The following ATP9B variants were observed in gnomAD, a reference collection of about 807,000 sequenced individuals.
The protein encoded by ATP9B is probable phospholipid-transporting ATPase IIB.
Under a neutral mutation model 146.1 loss-of-function variants are expected in ATP9B, and 110 were observed. That is an observed-to-expected ratio of 0.75 (90% CI 0.65 to 0.88). The LOEUF (loss-of-function observed/expected upper bound fraction) is 0.88, where lower values mean the gene tolerates loss of function less well. Among genes scored for constraint, ATP9B ranks in the 40% least tolerant of loss-of-function variants. The probability of loss-of-function intolerance (pLI) is 0.00; values close to 1 mark genes in which losing one functional copy is unlikely to be tolerated. For synonymous variants in ATP9B, 604 were observed against 569.7 expected, an observed-to-expected ratio of 1.06 and a Z score of -0.86; for missense variants, 1,499 against 1,496.4, an observed-to-expected ratio of 1.00 and a Z score of -0.03.
At chr18:79,283,899 A>G (rs1394007994) in intron 13 of ATP9B, among the ~76,000 whole-genome samples, 2 of 152,218 alleles carry the variant, frequency 1.3e-5, no homozygotes, top group East Asian at 3.8e-4. Flanking sequence ...CATAAATTTT[A>G]AAACTTAACT....
chr18:79,371,367 T>C (rs1285191154), intron 26 of ATP9B, among the ~76,000 whole-genome samples: 1 of 88,576 alleles, frequency 1.1e-5, no homozygotes, highest in Non-Finnish European at 2.0e-5. Context: ...CAAGACTCCG[T>C]CTTAAAAAAA....
At chr18:79,290,210 C>T (rs983868903) in intron 13 of ATP9B, among the ~76,000 whole-genome samples, 11 of 152,192 alleles carry the variant, frequency 7.2e-5, no homozygotes, top group East Asian at 1.9e-4. Flanking sequence ...CTGTGTCCTG[C>T]CCCCAGAGGT....
Position 79,264,338 on chromosome 18 carries a change from A to C in ATP9B, c.1268+10797A>C, listed in dbSNP as rs562228001. Among the ~76,000 whole-genome samples, 303 of 152,274 alleles carry C rather than the reference A, an allele frequency of 2.0e-3. 1 individual carries two copies. Among genetic ancestry groups the C allele is most frequent in the Non-Finnish European group, 3.8e-3 (260 of 67,998 alleles). ...TTATGCACATATATATTAGCTATTT[A>C]GATTTTCTCTTTTGTGAACTTTCTA... On this transcript the variant is annotated intron_variant, in intron 12 of 29. Coordinates refer to ENST00000426216, the MANE Select transcript of ATP9B (RefSeq NM_198531.5).
intron 15 of ATP9B, 132 bp downstream of exon 15, chr18:79,307,366 A>G (rs1181243732): frequency 1.2e-5 from 17 of 1,371,460 alleles, no homozygotes; most frequent in Non-Finnish European, 1.6e-5. Context: ...TTTTAGCTGT[A>G]TGTGGAAAAC....
intron 13 of ATP9B, among the ~76,000 whole-genome samples, chr18:79,288,542 C>A (rs1379828204): frequency 6.6e-6 from 1 of 151,928 alleles, no homozygotes; most frequent in Non-Finnish European, 1.5e-5. Flanking sequence ...GAATACAGCA[C>A]ACTGATGGGT....
intron 12 of ATP9B, among the ~76,000 whole-genome samples, chr18:79,263,974 G>T (rs1433199062): frequency 6.6e-6 from 1 of 152,040 alleles, no homozygotes. Context: ...AGTCCCAGCT[G>T]CTCGGGAGGC....
chr18:79,362,509 C>T (rs2096995974), intron 26 of ATP9B: 1 of 152,196 alleles, frequency 6.6e-6, no homozygotes. Context: ...TCAAATTCTG[C>T]TTTGAATTAT....
intron 8 of ATP9B, among the ~76,000 whole-genome samples, chr18:79,186,594 C>G (rs906604830): frequency 2.6e-5 from 4 of 152,166 alleles, no homozygotes; most frequent in Admixed American, 2.6e-4. Context: ...GATTCTCAGA[C>G]TTGCCTTATC....
intron 14 of ATP9B, among the ~76,000 whole-genome samples, chr18:79,305,463 G>A (rs910410996): frequency 6.6e-6 from 1 of 152,068 alleles, no homozygotes; most frequent in Non-Finnish European, 1.5e-5. Flanking sequence ...TATTTTGGAT[G>A]TAATTCATTT....
At chr18:79,192,239 T>G (rs917452257) in intron 8 of ATP9B, among the ~76,000 whole-genome samples, 1 of 152,230 alleles carries the variant, frequency 6.6e-6, no homozygotes, top group Middle Eastern at 3.4e-3. Flanking sequence ...GAGGTTTCTG[T>G]TTGAGTTTTA....
In ATP9B at chr18:79,375,513, C is replaced by T; in HGVS notation, c.3307+87C>T. The stretch of plus-strand genomic sequence containing the variant: ...ATACTTAACTAATAAGAAAAACAAA[C>T]CTTCCTCTAATTCAGTGTTCCTCAG... On this transcript the variant is annotated intron_variant, in intron 29 of 29. Coordinates refer to ENST00000426216, the MANE Select transcript of ATP9B (RefSeq NM_198531.5). 5 of 1,552,730 alleles carry T rather than the reference C, an allele frequency of 3.2e-6. No homozygotes were observed. In the Admixed American group the frequency reaches 9.3e-5, roughly 29 times the overall value.
At chr18:79,369,499 C>T (rs1004563019) in intron 26 of ATP9B, among the ~76,000 whole-genome samples, 3 of 142,852 alleles carry the variant, frequency 2.1e-5, no homozygotes, top group African/African-American at 5.3e-5. Flanking sequence ...CACCACTGCA[C>T]TCCAGCCTGG....
intron 11 of ATP9B, among the ~76,000 whole-genome samples, chr18:79,234,328 T>G (rs1015683989): frequency 6.6e-6 from 1 of 152,234 alleles, no homozygotes; most frequent in Admixed American, 6.5e-5. Context: ...GTGAAATTCC[T>G]CTCACCGTTG....
At chr18:79,193,356 C>T in intron 9 of ATP9B, 93 bp downstream of exon 9, 1 of 1,088,562 alleles carries the variant, frequency 9.2e-7, no homozygotes, top group Non-Finnish European at 1.4e-6. Context: ...AGAATAAATT[C>T]AAACAGAAGT....
Position 79,283,553 on chromosome 18 carries a change from T to C in ATP9B, c.1411+6357T>C, listed in dbSNP as rs2096401790. Among the ~76,000 whole-genome samples, 3 of 152,228 alleles carry C rather than the reference T, an allele frequency of 2.0e-5. No homozygotes were observed. The South Asian group carries it at 6.2e-4, about 32-fold the overall frequency. On this transcript the variant is annotated intron_variant, in intron 13 of 29. Transcript: ENST00000426216. ...AATAATTGCATTATAGTTTCCTTCT[T>C]GTGGACAAGAAAGCAATGTGGTATA...
chr18:79,288,089 T>G (rs1399331177), intron 13 of ATP9B, among the ~76,000 whole-genome samples: 3 of 152,084 alleles, frequency 2.0e-5, no homozygotes, highest in Admixed American at 1.3e-4. Flanking sequence ...AATATGTATA[T>G]TCTGTTGATT....
chr18:79,373,984 A>T lies in ATP9B; in HGVS notation c.3157A>T (p.Thr1053Ser). 6.2e-7 allele frequency: 1 copy of T among 1,613,972 alleles called. No individual in the cohort carries two copies. The highest frequency in any genetic ancestry group is 8.5e-7 in the Non-Finnish European group (1 of 1,180,012). Reference sequence around the variant, plus strand: ...CATCTCCTTCACCGCACTGATCCTGACCGAGCTGCTGATGGTGGCGCTGAC... The same window carrying T: ...CATCTCCTTCACCGCACTGATCCTGTCCGAGCTGCTGATGGTGGCGCTGAC... ...VAISFTALIL[T>S]ELLMVALTVR... Residue 1053 changes from threonine to serine, a missense_variant, in exon 28 of 30, where the codon ACC (threonine) becomes TCC (serine). Transcript: ENST00000426216.
At chr18:79,271,021 A>G (rs957328081) in intron 12 of ATP9B, among the ~76,000 whole-genome samples, 2 of 152,152 alleles carry the variant, frequency 1.3e-5, no homozygotes, top group African/African-American at 4.8e-5. Context: ...TGTGAGCTGC[A>G]TGTGCAGCAG....
intron 12 of ATP9B, among the ~76,000 whole-genome samples, chr18:79,256,126 TATC>T (rs888183244): frequency 6.6e-6 from 1 of 151,600 alleles, no homozygotes; most frequent in Non-Finnish European, 1.5e-5. Context: ...TAATTTTTAA[TATC>T]ATGTATGTGC....
Sources: allele counts gnomAD v4.1 joint callset (sites outside exome capture counted in the v4.1 genomes callset), GRCh38; gene constraint gnomAD v4.1.1; transcripts MANE v1.5; gene names NCBI Gene and HGNC (gene_info 2026-07-23, HGNC 2026-07-21).